FBF1: variants seen among roughly 807,000 people sequenced by gnomAD.
FBF1 encodes the protein Fas binding factor 1.
A neutral mutation model predicts 147.2 loss-of-function variants in FBF1; 119 were observed. That is an observed-to-expected ratio of 0.81 (90% CI 0.70 to 0.94). The LOEUF (loss-of-function observed/expected upper bound fraction) is 0.94. Ranked by LOEUF, FBF1 falls within the 40% of genes least tolerant of loss-of-function variation. The probability of loss-of-function intolerance (pLI) is 0.00; values close to 1 mark genes in which losing one functional copy is unlikely to be tolerated. For synonymous variants in FBF1, 601 were observed against 609.0 expected, an observed-to-expected ratio of 0.99 and a Z score of 0.19; for missense variants, 1,449 against 1,500.8, an observed-to-expected ratio of 0.97 and a Z score of 0.57.
chr17:75,915,636 T>C (rs1048562532), intron 23 of FBF1, among the ~76,000 whole-genome samples: 2 of 152,230 alleles, frequency 1.3e-5, no homozygotes, highest in South Asian at 2.1e-4. Flanking sequence ...TCTATCTACG[T>C]TGACATGGCT....
At chr17:75,931,652 C>T (rs771432608) in intron 5 of FBF1, among the ~76,000 whole-genome samples, 4 of 151,738 alleles carry the variant, frequency 2.6e-5, no homozygotes, top group Non-Finnish European at 2.9e-5. Context: ...GGCGTGGTGG[C>T]GGGCACCTGT....
intron 4 of FBF1, 45 bp from the exon 5 acceptor site, chr17:75,933,133 C>G: frequency 1.4e-6 from 2 of 1,469,232 alleles, no homozygotes. Flanking sequence ...ACTAAAGGTA[C>G]CTGGAGTCAA....
chr17:75,912,358 G>T, intron 28 of FBF1, 51 bp from the exon 29 acceptor site: 1 of 1,413,286 alleles, frequency 7.1e-7, no homozygotes, highest in South Asian at 1.4e-5. Flanking sequence ...TGGAAATACC[G>T]GGCGGTCACA....
intron 28 of FBF1, 81 bp from the exon 29 acceptor site, chr17:75,912,388 C>A: frequency 9.3e-7 from 1 of 1,074,448 alleles, no homozygotes; most frequent in Non-Finnish European, 1.3e-6. Context: ...TGCAGAGCTG[C>A]TCCCCCCGCC....
chr17:75,920,626 G>A (rs1435163728), intron 17 of FBF1, among the ~76,000 whole-genome samples, 197 bp from the exon 18 acceptor site: 1 of 152,172 alleles, frequency 6.6e-6, no homozygotes, highest in Non-Finnish European at 1.5e-5. Flanking sequence ...ATCTGGTCAG[G>A]AGCATGTCTC....
intron 7 of FBF1, 52 bp downstream of exon 7, chr17:75,929,945 A>ACACCCCCC: frequency 1.5e-6 from 1 of 650,912 alleles, no homozygotes; most frequent in Non-Finnish European, 2.8e-6. Flanking sequence ...AAATATCATG[A>ACACCCCCC]CCCCACCCCA....
chr17:75,909,896 T>C lies in FBF1; in HGVS notation c.*827A>G. 1 of 700,996 alleles carries C rather than the reference T, an allele frequency of 1.4e-6. No homozygotes were observed. Among genetic ancestry groups the C allele is most frequent in the Non-Finnish European group, 2.6e-6 (1 of 384,408 alleles). 43.4% of individuals were successfully genotyped at this position (700,996 alleles called of 1,614,324 possible). A position where few individuals can be genotyped will look rare whatever the true frequency, so the allele number is the denominator to read the frequency against. On this transcript the variant is annotated 3_prime_UTR_variant, in exon 30 of 30. Transcript: ENST00000636174. ...CTTAGTCAAGTTGAAGCAGCGGGAGTGGAGGAGGATCAGAGAAACCTCTGT... is the reference window on the plus strand; with the variant it reads ...CTTAGTCAAGTTGAAGCAGCGGGAGCGGAGGAGGATCAGAGAAACCTCTGT...
In FBF1 at chr17:75,917,944, G is replaced by C; in HGVS notation, c.2373C>G (p.Asp791Glu). The C allele has an allele frequency of 6.2e-7, 1 of 1,602,264 alleles. No individual in the cohort carries two copies. Among genetic ancestry groups the C allele is most frequent in the Non-Finnish European group, 8.5e-7 (1 of 1,173,366 alleles). The part of the protein sequence containing the change: ...QERELGIRQR[D>E]EQLRALQERL... ...GGGAGGGCGTACCCCGCAGCTGCTCGTCACGCTGCCGGATCCCCAGCTCCC... is the reference window on the plus strand; with the variant it reads ...GGGAGGGCGTACCCCGCAGCTGCTCCTCACGCTGCCGGATCCCCAGCTCCC... The change falls in exon 22 of 30, where the codon GAC (aspartate) becomes GAG (glutamate). Residue 791 changes from aspartate (D) to glutamate (E), a missense_variant. Transcript: ENST00000636174.
intron 4 of FBF1, among the ~76,000 whole-genome samples, chr17:75,935,013 T>C (rs1466181917): frequency 6.6e-6 from 1 of 151,792 alleles, no homozygotes; most frequent in East Asian, 1.9e-4. Flanking sequence ...GAGAATGAAA[T>C]TGACTACTAA....
intron 10 of FBF1, 93 bp downstream of exon 10, chr17:75,926,665 G>C: frequency 6.6e-7 from 1 of 1,525,932 alleles, no homozygotes. Context: ...TCCCCACCTG[G>C]GAGAGGCCTC....
rs570440044 is a variant in FBF1 at position 75,919,582 on chromosome 17, G to A, written c.2138+86C>T. ...CCAACCCCTGTCCAAAGGCTGCTGA[G>A]CCACAGCGAAGGGTCTCGTGGGGAT... On this transcript the variant is annotated intron_variant, in intron 20 of 29. Coordinates refer to ENST00000636174, the MANE Select transcript of FBF1 (RefSeq NM_001319193.2). The surrounding 1 kb of genome is among the most constrained non-coding windows in gnomAD (Gnocchi z 5.0). 20 of 1,446,680 alleles carry A rather than the reference G, an allele frequency of 1.4e-5. No individual in the cohort carries two copies. The East Asian group carries it at 4.7e-4, about 34-fold the overall frequency. The allele number at this position is 1,446,680 out of a possible 1,614,324, so 89.6% of individuals were successfully genotyped here.
intron 11 of FBF1, 62 bp from the exon 12 acceptor site, chr17:75,926,225 T>C: frequency 1.2e-6 from 2 of 1,605,956 alleles, no homozygotes; most frequent in Middle Eastern, 1.7e-4. Context: ...AATCCCACAG[T>C]ACCCGTCCAC....
intron 16 of FBF1, 43 bp from the exon 17 acceptor site, chr17:75,921,345 A>T (rs3744014): frequency 0.077 from 120,531 of 1,556,976 alleles, 5,999 homozygotes; most frequent in African/African-American, 0.24. Flanking sequence ...GGCCCAGGGC[A>T]CTGGGCCTGC....
At chr17:75,927,371 C>G (rs1318828401) in intron 9 of FBF1, 84 bp downstream of exon 9, 20 of 1,178,610 alleles carry the variant, frequency 1.7e-5, no homozygotes, top group Non-Finnish European at 2.4e-5. Context: ...TAGGCAGCAG[C>G]TGGGCCTCGG....
rs759726816 is a variant in FBF1, at chr17:75,917,792, T to C, written c.2445A>G (p.Gln815=). ...CCTCCATCTTCCCGATGACCTCCTG[T>C]TGCCGGCTCCGCTCCTCCTCCATGT... ...QRDMEEERSR[Q]QEVIGKMEAR... The change falls in exon 23 of 30, where the codon CAA becomes CAG. Residue 815 remains glutamine (Q), a synonymous_variant. Transcript: ENST00000636174. The C allele has an allele frequency of 1.9e-6, 3 of 1,611,010 alleles. No homozygotes were observed. Among genetic ancestry groups the C allele is most frequent in the South Asian group, 1.1e-5 (1 of 90,552 alleles).
intron 7 of FBF1, 105 bp downstream of exon 7, chr17:75,929,892 G>T: frequency 9.5e-7 from 1 of 1,056,508 alleles, no homozygotes. Flanking sequence ...AGAAACACAG[G>T]TTGTAAAGGG....
At chr17:75,938,375 A>G (rs943397096) in intron 1 of FBF1, 143 bp from the exon 2 acceptor site, 2 of 625,694 alleles carry the variant, frequency 3.2e-6, no homozygotes, top group Non-Finnish European at 2.8e-6. Context: ...AGCCTGGCCA[A>G]CATGGTGAAA....
intron 3 of FBF1, 107 bp from the exon 4 acceptor site, chr17:75,935,780 G>A: frequency 9.6e-7 from 1 of 1,041,124 alleles, no homozygotes; most frequent in Non-Finnish European, 1.4e-6. Context: ...TCAGATGTTG[G>A]GACTTAGGCT....
Position 75,932,977 on chromosome 17 carries a change from G to T in FBF1, c.167+18C>A. The stretch of plus-strand genomic sequence containing the variant: ...GACTGAAGTAGGTCATGGATACCCA[G>T]TCGGACCCTGCCCTTACTTTGTTCT... On this transcript the variant is annotated intron_variant, in intron 5 of 29. Coordinates refer to ENST00000636174, the MANE Select transcript of FBF1 (RefSeq NM_001319193.2). 1 of 1,573,364 alleles carries T rather than the reference G, an allele frequency of 6.4e-7. No individual in the cohort carries two copies. Among genetic ancestry groups the T allele is most frequent in the Non-Finnish European group, 8.7e-7 (1 of 1,148,222 alleles).
Sources: allele counts gnomAD v4.1 joint callset (sites outside exome capture counted in the v4.1 genomes callset), GRCh38; gene constraint gnomAD v4.1.1; non-coding constraint Gnocchi (gnomAD v3.1); transcripts MANE v1.5; gene names NCBI Gene and HGNC (gene_info 2026-07-23, HGNC 2026-07-21).